Variants in LRBA observed in about 807,000 individuals in gnomAD.
LRBA encodes the protein LPS responsive beige-like anchor protein.
Under a neutral mutation model 330.0 loss-of-function variants are expected in LRBA, and 176 were observed. The observed-to-expected ratio is 0.53, with a 90% CI of 0.47 to 0.60. The LOEUF (loss-of-function observed/expected upper bound fraction) is 0.60. Ranked by LOEUF, LRBA falls within the 20% of genes least tolerant of loss-of-function variation. The pLI, the probability that LRBA is intolerant of heterozygous loss-of-function variation, is 0.00. For synonymous variants in LRBA, 1,230 were observed against 1,193.0 expected, an observed-to-expected ratio of 1.03 and a Z score of -0.64; for missense variants, 3,259 against 3,444.8, an observed-to-expected ratio of 0.95 and a Z score of 1.35.
At chr4:150,431,258 A>G (rs912781426) in intron 46 of LRBA, among the ~76,000 whole-genome samples, 2 of 152,210 alleles carry the variant, frequency 1.3e-5, no homozygotes, top group Non-Finnish European at 2.9e-5. Flanking sequence ...CTCCAACCCA[A>G]TTTTAATACT....
chr4:150,659,171 G>T (rs1299466106), intron 37 of LRBA, among the ~76,000 whole-genome samples: 1 of 128,584 alleles, frequency 7.8e-6, no homozygotes. Context: ...TCTCTGCCTG[G>T]CCGCCCATCG....
intron 37 of LRBA, among the ~76,000 whole-genome samples, chr4:150,668,728 A>C (rs1290903943): frequency 6.6e-6 from 1 of 152,208 alleles, no homozygotes; most frequent in Non-Finnish European, 1.5e-5. Flanking sequence ...TTATTTCAAA[A>C]ACAATTAATA....
chr4:150,847,521 A>C (rs1750007135), intron 26 of LRBA, among the ~76,000 whole-genome samples: 1 of 152,290 alleles, frequency 6.6e-6, no homozygotes, highest in South Asian at 2.1e-4. Flanking sequence ...TTCTTGCTAA[A>C]TATGAAAAAA....
At position 150,900,036 on chromosome 4, in the gene LRBA, A is replaced by T. The variant is rs1730548221; in HGVS notation, c.1924+13T>A. 6.3e-7 allele frequency: 1 copy of T among 1,594,556 alleles called. No homozygotes were observed. The highest frequency in any genetic ancestry group is 2.2e-5 in the East Asian group (1 of 44,722). ...CATTTGTGTAAAGTAATATACAGAC[A>T]GAAATTATATACCTAATCCTTTTGG... On this transcript the variant is annotated intron_variant, in intron 14 of 56. Transcript: ENST00000651943.
intron 26 of LRBA, among the ~76,000 whole-genome samples, chr4:150,846,840 T>C (rs1408317067): frequency 2.6e-5 from 4 of 152,144 alleles, no homozygotes; most frequent in Non-Finnish European, 4.4e-5. Flanking sequence ...TAAGAACAGA[T>C]GGTACTGGGG....
At chr4:150,393,875 T>C (rs1744352654) in intron 47 of LRBA, among the ~76,000 whole-genome samples, 1 of 152,236 alleles carries the variant, frequency 6.6e-6, no homozygotes, top group Non-Finnish European at 1.5e-5. Flanking sequence ...TATCAACCAA[T>C]GCTAGATTAT....
At chr4:150,798,262 T>C (rs1741093094) in intron 33 of LRBA, 120 bp from the exon 34 acceptor site, 7 of 631,254 alleles carry the variant, frequency 1.1e-5, no homozygotes, top group Non-Finnish European at 2.0e-5. Flanking sequence ...GCACATTTAA[T>C]CACATGATCA....
At chr4:150,637,716 T>C (rs1470383990) in intron 37 of LRBA, among the ~76,000 whole-genome samples, 1 of 152,156 alleles carries the variant, frequency 6.6e-6, no homozygotes, top group East Asian at 1.9e-4. Context: ...AACTTGAAAG[T>C]GGATACTTCC....
intron 37 of LRBA, among the ~76,000 whole-genome samples, chr4:150,678,285 A>C (rs907078549): frequency 1.3e-5 from 2 of 151,902 alleles, no homozygotes; most frequent in African/African-American, 2.4e-5. Context: ...ATAAGGTTTG[A>C]CTAATAATAA....
chr4:150,416,470 A>G (rs1324229459), intron 46 of LRBA, among the ~76,000 whole-genome samples: 1 of 152,212 alleles, frequency 6.6e-6, no homozygotes, highest in Non-Finnish European at 1.5e-5. Flanking sequence ...GAATTAAGCT[A>G]TTATCACCTC....
At chr4:150,855,612 A>G (rs545427355) in intron 22 of LRBA, among the ~76,000 whole-genome samples, 31 of 152,214 alleles carry the variant, frequency 2.0e-4, no homozygotes, top group African/African-American at 7.5e-4. Flanking sequence ...CGTTACCAGT[A>G]CCTCACAATT....
intron 37 of LRBA, among the ~76,000 whole-genome samples, chr4:150,629,682 AT>A (rs1449528291): frequency 1.4e-5 from 2 of 148,028 alleles, no homozygotes; most frequent in Non-Finnish European, 3.0e-5. Context: ...AGAAATACAT[AT>A]TGCAAGCCAG....
chr4:150,670,062 T>C (rs1453274762), intron 37 of LRBA, among the ~76,000 whole-genome samples: 1 of 152,156 alleles, frequency 6.6e-6, no homozygotes, highest in Non-Finnish European at 1.5e-5. Context: ...GTTAATATGT[T>C]TCCTGCTTGT....
chr4:150,940,902 G>T (rs902682560), intron 2 of LRBA, among the ~76,000 whole-genome samples: 6 of 151,264 alleles, frequency 4.0e-5, no homozygotes, highest in Non-Finnish European at 8.8e-5. Flanking sequence ...GACATGAAAG[G>T]GCCTCTATTT....
At chr4:150,636,810 G>T (rs1777967679) in intron 37 of LRBA, among the ~76,000 whole-genome samples, 1 of 152,078 alleles carries the variant, frequency 6.6e-6, no homozygotes, top group Admixed American at 6.6e-5. Context: ...ACTACACCTG[G>T]CTAATTTTTA....
chr4:150,856,018 A>C (rs2126936722), intron 22 of LRBA, among the ~76,000 whole-genome samples: 1 of 152,304 alleles, frequency 6.6e-6, no homozygotes, highest in South Asian at 2.1e-4. Context: ...AGAGAACTGG[A>C]GAACCTATCA....
rs1020535574 is a variant in LRBA, at chr4:150,864,758, T to C, written c.2766+2913A>G. On this transcript the variant is annotated intron_variant, in intron 22 of 56. Coordinates refer to ENST00000651943, the MANE Select transcript of LRBA (RefSeq NM_001364905.1). ...GCCTCCTGGGTTCAGGCAATTCTCC[T>C]GCCTCAGTCTCCCAAGTACCTGGGA... Among the ~76,000 whole-genome samples, 4 of 151,320 alleles carry C rather than the reference T, an allele frequency of 2.6e-5. No homozygotes were observed. In the South Asian group the frequency reaches 8.4e-4, roughly 32 times the overall value.
intron 48 of LRBA, among the ~76,000 whole-genome samples, chr4:150,327,170 C>G (rs529238466): frequency 2.0e-5 from 3 of 152,120 alleles, no homozygotes; most frequent in African/African-American, 7.2e-5. Context: ...CATGATGGCT[C>G]ACACCTGTAA....
At chr4:150,413,504 T>C (rs1747307802) in intron 47 of LRBA, among the ~76,000 whole-genome samples, 1 of 152,072 alleles carries the variant, frequency 6.6e-6, no homozygotes, top group East Asian at 1.9e-4. Flanking sequence ...TCAAAAAACA[T>C]CATGCTAACT....
Sources: allele counts gnomAD v4.1 joint callset (sites outside exome capture counted in the v4.1 genomes callset), GRCh38; gene constraint gnomAD v4.1.1; transcripts MANE v1.5; gene names NCBI Gene and HGNC (gene_info 2026-07-23, HGNC 2026-07-21).